The following USP54 variants were observed in gnomAD, a reference collection of about 807,000 sequenced individuals.
USP54 encodes the protein ubiquitin carboxyl-terminal hydrolase 54.
Under a neutral mutation model 170.5 loss-of-function variants are expected in USP54, and 87 were observed. That is an observed-to-expected ratio of 0.51 (90% CI 0.43 to 0.61). The LOEUF is 0.61. Ranked by LOEUF, USP54 falls within the 20% of genes least tolerant of loss-of-function variation. The probability of loss-of-function intolerance (pLI) is 0.00; values close to 1 mark genes in which losing one functional copy is unlikely to be tolerated. For synonymous variants in USP54, 655 were observed against 742.8 expected, an observed-to-expected ratio of 0.88 and a Z score of 1.92; for missense variants, 1,786 against 2,047.8, an observed-to-expected ratio of 0.87 and a Z score of 2.47.
intron 17 of USP54, among the ~76,000 whole-genome samples, chr10:73,522,245 T>C (rs1245254553): frequency 6.6e-6 from 1 of 152,218 alleles, no homozygotes; most frequent in Admixed American, 6.5e-5. Context: ...TCCCCAGACC[T>C]GAAGTTCTCT....
At chr10:73,510,641 G>A (rs1318072341) in intron 20 of USP54, among the ~76,000 whole-genome samples, 2 of 151,710 alleles carry the variant, frequency 1.3e-5, no homozygotes, top group African/African-American at 2.4e-5. Context: ...TAGAGACTGG[G>A]TTTCACCATG....
intron 1 of USP54, chr10:73,613,800 A>C (rs1365178684): frequency 1.3e-5 from 2 of 151,782 alleles, no homozygotes; most frequent in African/African-American, 4.8e-5. Flanking sequence ...AATCACTTGA[A>C]CCCAGAAGGC....
At chr10:73,526,436 G>A (rs1424744143) in intron 16 of USP54, among the ~76,000 whole-genome samples, 6 of 152,058 alleles carry the variant, frequency 3.9e-5, no homozygotes, top group Non-Finnish European at 5.9e-5. Context: ...TAGTAGAGAC[G>A]GGGTTTCACC....
intron 1 of USP54, among the ~76,000 whole-genome samples, chr10:73,617,131 T>C (rs1564967427): frequency 6.7e-6 from 1 of 150,246 alleles, no homozygotes; most frequent in African/African-American, 2.5e-5. Flanking sequence ...AACCCGTCTC[T>C]ACTAAAAATA....
chr10:73,571,521 G>A lies in USP54; in HGVS notation c.148-8C>T, dbSNP rs1461164403. On this transcript the variant is annotated splice_region_variant and splice_polypyrimidine_tract_variant and intron_variant, in intron 3 of 23. Transcript: ENST00000687698. ...ATCCAAGTGCCACAAAACCTGATGA[G>A]AAAAGGAAAATATTTCATTACTCTA... is the stretch of plus-strand genomic sequence containing the variant. The A allele has an allele frequency of 5.6e-6, 9 of 1,608,564 alleles. No homozygotes were observed. Among genetic ancestry groups the A allele is most frequent in the South Asian group, 1.1e-5 (1 of 90,616 alleles).
Position 73,575,601 on chromosome 10 carries a change from C to T in USP54, c.58G>A (p.Ala20Thr), listed in dbSNP as rs748781134. ...GGRGSVQGMF[A>T]PRSSTSIAPS... ...GCTATGGAGGTTGAGCTTCGAGGTG[C>T]AAACATCCCTTGTACACTACCACGA... Residue 20 changes from alanine (A) to threonine (T), a missense_variant, in exon 3 of 24, where the codon GCA (alanine) becomes ACA (threonine). Transcript: ENST00000687698. 73 of 1,613,746 alleles carry T rather than the reference C, an allele frequency of 4.5e-5. No individual in the cohort carries two copies. The highest frequency in any genetic ancestry group is 6.1e-5 in the Non-Finnish European group (72 of 1,179,924).
At chr10:73,505,207 C>T (rs1375638176) in intron 21 of USP54, 101 bp downstream of exon 21, 2 of 1,301,744 alleles carry the variant, frequency 1.5e-6, no homozygotes, top group Non-Finnish European at 2.2e-6. Flanking sequence ...AGCCCCATAT[C>T]ACCATGCCTC....
Position 73,516,521 on chromosome 10 carries a change from A to G in USP54, c.3905T>C (p.Ile1302Thr). The stretch of plus-strand genomic sequence containing the variant: ...TTGGTTCCAATGTGGATGCAAAAGG[A>G]TGTGATTTCTCTCTGGATAGGTTAC... Reference protein sequence around the residue: ...TCVTYPERNHILLHPHWNQDT... With the variant: ...TCVTYPERNHTLLHPHWNQDT... Residue 1302 changes from isoleucine to threonine, a missense_variant, in exon 20 of 24, where the codon ATC becomes ACC. Ile to Thr is a moderately conservative substitution (Grantham distance 89). Around this residue, in one of 3 missense-constraint regions of USP54, gnomAD observed 1,418 missense variants for 1,569.0 expected, o/e 0.90. Transcript: ENST00000687698. 6.2e-7 allele frequency: 1 copy of G among 1,614,110 alleles called. No homozygotes were observed. Among genetic ancestry groups the G allele is most frequent in the Middle Eastern group, 1.6e-4 (1 of 6,062 alleles).
intron 4 of USP54, among the ~76,000 whole-genome samples, chr10:73,565,577 C>T (rs2073571671): frequency 6.6e-6 from 1 of 152,128 alleles, no homozygotes. Context: ...TCTGTTGTTA[C>T]TTTTCAGCAG....
chr10:73,595,777 TC>T (rs2078674593), upstream of USP54, among the ~76,000 whole-genome samples: 1 of 152,108 alleles, frequency 6.6e-6, no homozygotes, highest in African/African-American at 2.4e-5. Context: ...TGAAAATCCC[TC>T]TCAAGCACAC....
At chr10:73,519,271 G>A (rs1232654640) in intron 19 of USP54, 1 of 155,654 alleles carries the variant, frequency 6.4e-6, no homozygotes, top group Non-Finnish European at 1.4e-5. Flanking sequence ...CAAATTCCAG[G>A]GCTAAGATGT....
chr10:73,548,125 A>G (rs577124660), intron 4 of USP54, among the ~76,000 whole-genome samples: 1 of 152,356 alleles, frequency 6.6e-6, no homozygotes, highest in South Asian at 2.1e-4. Context: ...CAGACACATG[A>G]AAAAATGCTC....
At chr10:73,581,347 C>T (rs912655406) in intron 1 of USP54, among the ~76,000 whole-genome samples, 2 of 152,180 alleles carry the variant, frequency 1.3e-5, no homozygotes, top group Non-Finnish European at 2.9e-5. Context: ...TCCCACTGTT[C>T]CCAATCTGAA....
Position 73,529,855 on chromosome 10 carries a change from C to A in USP54, c.1885G>T (p.Gly629Cys). Reference sequence around the variant, plus strand: ...CGCTTGTACTGGGGGCTTGGTCCACCAAATTTAATGTCGTAAGAAGGTGGC... The same window carrying A: ...CGCTTGTACTGGGGGCTTGGTCCACAAAATTTAATGTCGTAAGAAGGTGGC... ...SKPPSYDIKF[G>C]GPSPQYKRWG... Residue 629 changes from glycine (G) to cysteine (C), a missense_variant, in exon 15 of 24, where the codon GGT becomes TGT. Around this residue, in one of 3 missense-constraint regions of USP54, gnomAD observed 1,418 missense variants for 1,569.0 expected, o/e 0.90. Coordinates refer to ENST00000687698, the MANE Select transcript of USP54 (RefSeq NM_001391956.1). The A allele has an allele frequency of 6.4e-7, 1 of 1,572,480 alleles. No individual in the cohort carries two copies.
chr10:73,582,639 C>T (rs113495170), intron 1 of USP54, among the ~76,000 whole-genome samples: 5,360 of 152,294 alleles, frequency 0.035, 154 homozygotes, highest in South Asian at 0.11. Context: ...GATCCACCCA[C>T]CTCGGCCTCC....
intron 1 of USP54, among the ~76,000 whole-genome samples, chr10:73,604,448 G>C (rs908717340): frequency 3.3e-5 from 5 of 151,920 alleles, no homozygotes; most frequent in African/African-American, 1.2e-4. Flanking sequence ...CAAAAGAACT[G>C]AAAGTATGCT....
intron 5 of USP54, among the ~76,000 whole-genome samples, chr10:73,545,041 T>C (rs1220949649): frequency 6.6e-6 from 1 of 151,710 alleles, no homozygotes; most frequent in Non-Finnish European, 1.5e-5. Flanking sequence ...TTACAGAGAG[T>C]CTTTCGAAGG....
chr10:73,607,952 G>A (rs1457420583), intron 1 of USP54, among the ~76,000 whole-genome samples: 5 of 151,234 alleles, frequency 3.3e-5, no homozygotes, highest in Admixed American at 2.0e-4. Context: ...CCTGCCACAC[G>A]ATATTACTCA....
At chr10:73,569,924 A>C (rs1409100825) in intron 4 of USP54, among the ~76,000 whole-genome samples, 1 of 134,014 alleles carries the variant, frequency 7.5e-6, no homozygotes, top group African/African-American at 2.6e-5. Flanking sequence ...AAAAAAAAAA[A>C]AAAAAAAAAA....
Sources: allele counts gnomAD v4.1 joint callset (sites outside exome capture counted in the v4.1 genomes callset), GRCh38; gene constraint gnomAD v4.1.1; regional missense constraint gnomAD v4.1.1; transcripts MANE v1.5; gene names NCBI Gene and HGNC (gene_info 2026-07-23, HGNC 2026-07-21).